TBC1D19: variants seen among roughly 807,000 people sequenced by gnomAD.
TBC1D19 encodes the protein TBC1 domain family member 19, also known as TBC1 domain family, member 19.
In TBC1D19, 60 loss-of-function variants were observed where a neutral mutation model predicts 89.0. That is an observed-to-expected ratio of 0.67 (90% CI 0.55 to 0.84). The LOEUF (loss-of-function observed/expected upper bound fraction) is 0.84, where lower values mean the gene tolerates loss of function less well. TBC1D19 is among the 40% of genes least tolerant of loss of function. The pLI is 0.00. For synonymous variants in TBC1D19, 189 were observed against 199.7 expected (o/e 0.95, Z 0.45); for missense variants, 500 against 610.8 (o/e 0.82, Z 1.91).
intron 4 of TBC1D19, among the ~76,000 whole-genome samples, chr4:26,623,689 G>T (rs1249357184): frequency 6.6e-6 from 1 of 152,012 alleles, no homozygotes; most frequent in African/African-American, 2.4e-5. Flanking sequence ...TGTTACTAGT[G>T]ATCAAGTGCT....
chr4:26,592,106 C>G (rs558493708), intron 1 of TBC1D19, among the ~76,000 whole-genome samples: 2 of 152,248 alleles, frequency 1.3e-5, no homozygotes, highest in Non-Finnish European at 1.5e-5. Context: ...ACTGGCAAAC[C>G]GAATCCAGCA....
At chr4:26,623,481 AT>A (rs1201755787) in intron 4 of TBC1D19, among the ~76,000 whole-genome samples, 1 of 152,134 alleles carries the variant, frequency 6.6e-6, no homozygotes, top group Non-Finnish European at 1.5e-5. Context: ...TCTCACTTAT[AT>A]TTTATAAAGA....
the TBC1D19 span, among the ~76,000 whole-genome samples, chr4:26,785,314 TA>T: frequency 4.6e-5 from 7 of 152,180 alleles, no homozygotes; most frequent in Non-Finnish European, 1.0e-4. Context: ...TTTAAAAAAT[TA>T]AATAAAAGTA....
chr4:26,652,446 C>T (rs1191752356), intron 7 of TBC1D19, among the ~76,000 whole-genome samples: 4 of 151,914 alleles, frequency 2.6e-5, no homozygotes, highest in Non-Finnish European at 5.9e-5. Flanking sequence ...CACTGTATTT[C>T]CCAGGCAGGT....
At chr4:26,851,820 G>T in the TBC1D19 span, among the ~76,000 whole-genome samples, 2 of 152,148 alleles carry the variant, frequency 1.3e-5, no homozygotes, top group Admixed American at 1.3e-4. Flanking sequence ...AGGTTCAAAT[G>T]ATTCTCCTGC....
At chr4:26,831,021 A>C in the TBC1D19 span, among the ~76,000 whole-genome samples, 2 of 152,150 alleles carry the variant, frequency 1.3e-5, no homozygotes, top group Non-Finnish European at 2.9e-5. Context: ...TTTTCCAATA[A>C]ATTGTTTTAA....
At chr4:26,675,695 T>C (rs1712744332) in intron 11 of TBC1D19, among the ~76,000 whole-genome samples, 1 of 152,154 alleles carries the variant, frequency 6.6e-6, no homozygotes, top group African/African-American at 2.4e-5. Context: ...TATTAGAATT[T>C]TTTGTTGAAT....
At chr4:26,616,182 C>A (rs1741689218) in intron 3 of TBC1D19, among the ~76,000 whole-genome samples, 2 of 151,994 alleles carry the variant, frequency 1.3e-5, no homozygotes, top group African/African-American at 4.8e-5. Flanking sequence ...CCGATAAAGA[C>A]TAGATAGGAG....
At chr4:26,775,277 C>A in the TBC1D19 span, among the ~76,000 whole-genome samples, 15 of 152,222 alleles carry the variant, frequency 9.9e-5, no homozygotes, top group East Asian at 2.9e-3. Flanking sequence ...CATAGTGAGA[C>A]CCTGTCTCTA....
chr4:26,776,380 A>G, the TBC1D19 span, among the ~76,000 whole-genome samples: 1 of 152,218 alleles, frequency 6.6e-6, no homozygotes, highest in Non-Finnish European at 1.5e-5. Context: ...CCAACAATTC[A>G]CATATAATAG....
At chr4:26,704,844 C>G (rs1294235556) in intron 13 of TBC1D19, among the ~76,000 whole-genome samples, 1 of 152,084 alleles carries the variant, frequency 6.6e-6, no homozygotes, top group African/African-American at 2.4e-5. Context: ...AAGTGTCATA[C>G]TGTTTTCCAC....
the TBC1D19 span, among the ~76,000 whole-genome samples, chr4:26,801,830 T>C: frequency 6.6e-6 from 1 of 152,144 alleles, no homozygotes; most frequent in Non-Finnish European, 1.5e-5. Flanking sequence ...TTCAAATTCA[T>C]GTGCAATCAG....
At chr4:26,646,047 C>T (rs1169932910) in intron 7 of TBC1D19, among the ~76,000 whole-genome samples, 6 of 146,162 alleles carry the variant, frequency 4.1e-5, no homozygotes, top group East Asian at 2.1e-4. Context: ...GGCGTGACCC[C>T]GGGAGGCGGA....
chr4:26,817,990 A>ATATATATATATATATATATC, the TBC1D19 span, among the ~76,000 whole-genome samples: 1 of 144,262 alleles, frequency 6.9e-6, no homozygotes, highest in Non-Finnish European at 1.5e-5. Context: ...AAATATATAT[A>ATATATATATATATATATATC]TATATATATA....
At chr4:26,765,382 A>G in the TBC1D19 span, among the ~76,000 whole-genome samples, 7 of 151,732 alleles carry the variant, frequency 4.6e-5, no homozygotes, top group South Asian at 1.3e-3. Context: ...ATAGATCTCC[A>G]GAAAAGAGAT....
chr4:26,844,447 A>G, the TBC1D19 span, among the ~76,000 whole-genome samples: 8 of 152,258 alleles, frequency 5.3e-5, no homozygotes, highest in African/African-American at 1.9e-4. Flanking sequence ...ATTTAATTTC[A>G]TAAGTCCCAA....
chr4:26,626,480 A>G (rs1001351136), intron 4 of TBC1D19, among the ~76,000 whole-genome samples: 4 of 152,108 alleles, frequency 2.6e-5, no homozygotes, highest in Admixed American at 2.6e-4. Flanking sequence ...GTTCATGATA[A>G]CCCTATGAGG....
chr4:26,765,126 G>T, the TBC1D19 span, among the ~76,000 whole-genome samples: 1 of 152,072 alleles, frequency 6.6e-6, no homozygotes, highest in African/African-American at 2.4e-5. Flanking sequence ...GAGGAGGAAA[G>T]ACCCAGAGAC....
At chr4:26,749,717 G>T (rs1327614714) in intron 19 of TBC1D19, among the ~76,000 whole-genome samples, 1 of 152,124 alleles carries the variant, frequency 6.6e-6, no homozygotes, top group Non-Finnish European at 1.5e-5. Context: ...AGAGTGCTGG[G>T]ATTACAGGTG....
Sources: allele counts gnomAD v4.1 joint callset (sites outside exome capture counted in the v4.1 genomes callset), GRCh38; gene constraint gnomAD v4.1.1; transcripts MANE v1.5; gene names NCBI Gene and HGNC (gene_info 2026-07-23, HGNC 2026-07-21).